The following PHF21B variants were observed in gnomAD, a reference collection of about 807,000 sequenced individuals.
PHF21B encodes PHD finger protein 21B, also known as PHD finger protein 4.
PHF21B carries 22 observed loss-of-function variants against 62.2 expected under a neutral mutation model. That is an observed-to-expected ratio of 0.35 (90% CI 0.25 to 0.51). The LOEUF is 0.51. Ranked by LOEUF, PHF21B falls within the 20% of genes least tolerant of loss-of-function variation. The pLI, the probability that PHF21B is intolerant of heterozygous loss-of-function variation, is 0.97. For synonymous variants in PHF21B, 341 were observed against 314.7 expected, an observed-to-expected ratio of 1.08 and a Z score of -0.88; for missense variants, 701 against 707.9, an observed-to-expected ratio of 0.99 and a Z score of 0.11.
At chr22:44,919,771 T>C (rs1236352742) in intron 3 of PHF21B, among the ~76,000 whole-genome samples, 2 of 152,222 alleles carry the variant, frequency 1.3e-5, no homozygotes, top group Non-Finnish European at 2.9e-5. Context: ...TACAAATGTT[T>C]TGTCTTGACT....
At chr22:45,007,225 C>T (rs1414819362) in intron 2 of PHF21B, among the ~76,000 whole-genome samples, 3 of 42,672 alleles carry the variant, frequency 7.0e-5, no homozygotes, top group East Asian at 2.6e-3. Context: ...CAAGCCCGGC[C>T]CCCCCCAAAA....
chr22:45,007,537 C>A (rs1458377980), intron 2 of PHF21B, among the ~76,000 whole-genome samples: 1 of 77,082 alleles, frequency 1.3e-5, no homozygotes, highest in Non-Finnish European at 2.6e-5. Flanking sequence ...TGGCCGGGGG[C>A]GCGGCGCGGG....
chr22:44,974,529 A>G (rs2072701277), intron 2 of PHF21B, among the ~76,000 whole-genome samples: 1 of 152,040 alleles, frequency 6.6e-6, no homozygotes, highest in Non-Finnish European at 1.5e-5. Context: ...TGTTGGTACC[A>G]CCCTGCACAA....
intron 5 of PHF21B, among the ~76,000 whole-genome samples, chr22:44,905,719 C>T (rs2071238105): frequency 6.6e-6 from 1 of 152,178 alleles, no homozygotes; most frequent in Admixed American, 6.5e-5. Flanking sequence ...AGCTCCACCT[C>T]CCGGGTTCAC....
At chr22:44,974,796 C>T (rs1264547271) in intron 2 of PHF21B, among the ~76,000 whole-genome samples, 1 of 152,168 alleles carries the variant, frequency 6.6e-6, no homozygotes, top group African/African-American at 2.4e-5. Flanking sequence ...TCTAATAAGA[C>T]CAGGGTGGTA....
intron 2 of PHF21B, among the ~76,000 whole-genome samples, chr22:44,978,921 G>A (rs1341080548): frequency 6.6e-6 from 1 of 152,228 alleles, no homozygotes; most frequent in Non-Finnish European, 1.5e-5. Context: ...GATCCCAGGT[G>A]AGGCAGGCCC....
chr22:44,999,660 T>G (rs778792712), intron 2 of PHF21B, among the ~76,000 whole-genome samples: 1 of 152,134 alleles, frequency 6.6e-6, no homozygotes, highest in Admixed American at 6.5e-5. Flanking sequence ...ACTTTTCTTA[T>G]TGGTGCCATT....
chr22:44,960,306 A>C (rs544676391), intron 2 of PHF21B, among the ~76,000 whole-genome samples: 71 of 152,268 alleles, frequency 4.7e-4, no homozygotes, highest in African/African-American at 1.6e-3. Flanking sequence ...GTCAGATGAC[A>C]TCAAGACAAT....
rs899801116 is a variant in PHF21B, at chr22:44,881,961, G to C, written c.*1125C>G. 1.3e-5 allele frequency: 2 copies of C among 152,604 alleles called. No individual in the cohort carries two copies. The highest frequency in any genetic ancestry group is 2.9e-5 in the Non-Finnish European group (2 of 68,036). 9.5% of individuals were successfully genotyped at this position (152,604 alleles called of 1,614,324 possible). On this transcript the variant is annotated 3_prime_UTR_variant, in exon 13 of 13. Coordinates refer to ENST00000313237, the MANE Select transcript of PHF21B (RefSeq NM_138415.5). ...CACCCGGCTCGTAAAAAACCTGCCG[G>C]ATCTTCCAGCTTGGCCAGGCTTCCC... is the stretch of plus-strand genomic sequence containing the variant.
chr22:44,885,341 G>T (rs2070837340), intron 12 of PHF21B, 85 bp downstream of exon 12: 1 of 1,308,758 alleles, frequency 7.6e-7, no homozygotes, highest in Non-Finnish European at 1.0e-6. Context: ...TACACCTGTG[G>T]TTCTAAGGAC....
intron 2 of PHF21B, among the ~76,000 whole-genome samples, chr22:44,955,134 G>C (rs1309038673): frequency 6.6e-6 from 1 of 152,204 alleles, no homozygotes; most frequent in African/African-American, 2.4e-5. Context: ...CGGTCATGCT[G>C]TGTCTCCCAG....
intron 2 of PHF21B, among the ~76,000 whole-genome samples, chr22:44,999,633 G>GT (rs2073178571): frequency 6.6e-6 from 1 of 152,166 alleles, no homozygotes; most frequent in Non-Finnish European, 1.5e-5. Flanking sequence ...GTGCCCCGGA[G>GT]TAACAGTCCA....
intron 2 of PHF21B, among the ~76,000 whole-genome samples, chr22:44,944,156 G>C (rs1352855149): frequency 6.6e-6 from 1 of 152,204 alleles, no homozygotes; most frequent in Admixed American, 6.5e-5. Context: ...GAAGGACTGT[G>C]CGCCCAGCAT....
At chr22:44,954,988 G>C (rs914034955) in intron 2 of PHF21B, among the ~76,000 whole-genome samples, 4 of 152,200 alleles carry the variant, frequency 2.6e-5, no homozygotes, top group Non-Finnish European at 5.9e-5. Flanking sequence ...GGTGGCAGGC[G>C]GGGTGGAGCT....
intron 2 of PHF21B, among the ~76,000 whole-genome samples, chr22:44,973,348 A>G (rs2072675227): frequency 6.6e-6 from 1 of 152,216 alleles, no homozygotes; most frequent in Non-Finnish European, 1.5e-5. Flanking sequence ...ACCAGAAAAA[A>G]GTTAAGCAAA....
chr22:44,938,178 C>T (rs1004568687), intron 2 of PHF21B, among the ~76,000 whole-genome samples: 3 of 152,222 alleles, frequency 2.0e-5, no homozygotes, highest in African/African-American at 4.8e-5. Context: ...AGGTTCAAGC[C>T]ATTCTCATGC....
At chr22:44,980,217 T>A (rs770779187) in intron 2 of PHF21B, among the ~76,000 whole-genome samples, 1 of 152,038 alleles carries the variant, frequency 6.6e-6, no homozygotes, top group Non-Finnish European at 1.5e-5. Context: ...AAAGGAGCAC[T>A]GGTTTCTTTC....
chr22:44,897,233 G>C (rs568125173), intron 5 of PHF21B, among the ~76,000 whole-genome samples: 103 of 152,076 alleles, frequency 6.8e-4, no homozygotes, highest in African/African-American at 2.1e-3. Flanking sequence ...GCTCACTAGG[G>C]CATTTTTTTT....
chr22:44,922,074 TTC>T (rs1303411062), intron 2 of PHF21B, among the ~76,000 whole-genome samples: 1 of 152,110 alleles, frequency 6.6e-6, no homozygotes, highest in Non-Finnish European at 1.5e-5. Flanking sequence ...ACCAGTGAGG[TTC>T]TCTCTTGATC....
Sources: allele counts gnomAD v4.1 joint callset (sites outside exome capture counted in the v4.1 genomes callset), GRCh38; gene constraint gnomAD v4.1.1; transcripts MANE v1.5; gene names NCBI Gene and HGNC (gene_info 2026-07-23, HGNC 2026-07-21).